Variants in FKBP5 observed in about 807,000 individuals in gnomAD.
FKBP5 encodes the protein peptidyl-prolyl cis-trans isomerase FKBP5.
In FKBP5, 23 loss-of-function variants were observed where a neutral mutation model predicts 50.5. That is an observed-to-expected ratio of 0.46 (90% CI 0.33 to 0.65). FKBP5 has a LOEUF of 0.65. Among genes scored for constraint, FKBP5 ranks in the 30% least tolerant of loss-of-function variants. The probability of loss-of-function intolerance (pLI) is 0.02; values close to 1 mark genes in which losing one functional copy is unlikely to be tolerated. For missense variants in FKBP5, 411 were observed against 553.1 expected (o/e 0.74, Z 2.58); for synonymous variants, 176 against 190.6 (o/e 0.92, Z 0.63).
At chr6:35,583,751 G>C in intron 8 of FKBP5, 6 of 982,974 alleles carry the variant, frequency 6.1e-6, no homozygotes, top group Non-Finnish European at 7.3e-6. Flanking sequence ...TGATAGTACT[G>C]AGGTTGAAAA....
intron 3 of FKBP5, among the ~76,000 whole-genome samples, chr6:35,627,241 A>G (rs1347692452): frequency 6.6e-6 from 1 of 152,178 alleles, no homozygotes; most frequent in Admixed American, 6.5e-5. Flanking sequence ...GTGATGTTGA[A>G]CATCTTTTCA....
intron 1 of FKBP5, among the ~76,000 whole-genome samples, chr6:35,654,828 C>A (rs1764905148): frequency 6.6e-6 from 1 of 152,148 alleles, no homozygotes; most frequent in Admixed American, 6.5e-5. Context: ...TAAGCTGTAT[C>A]CAGCTCTGTA....
At chr6:35,637,949 C>G (rs951917992) in intron 2 of FKBP5, among the ~76,000 whole-genome samples, 3 of 152,166 alleles carry the variant, frequency 2.0e-5, no homozygotes, top group Non-Finnish European at 4.4e-5. Context: ...TCAGAAAGCC[C>G]AATTTCCTGG....
intron 2 of FKBP5, among the ~76,000 whole-genome samples, chr6:35,702,827 A>C (rs1452555592): frequency 6.6e-6 from 1 of 152,156 alleles, no homozygotes; most frequent in African/African-American, 2.4e-5. Flanking sequence ...GCAAAACCAA[A>C]AGCTCTAACA....
At chr6:35,637,932 T>C (rs893573507) in intron 2 of FKBP5, among the ~76,000 whole-genome samples, 1 of 152,172 alleles carries the variant, frequency 6.6e-6, no homozygotes, top group Non-Finnish European at 1.5e-5. Flanking sequence ...ATTCTGCTTG[T>C]TTATTTTCAG....
chr6:35,636,977 G>C (rs1216527549), intron 3 of FKBP5, 37 bp downstream of exon 3: 1 of 1,550,722 alleles, frequency 6.4e-7, no homozygotes, highest in Admixed American at 2.2e-5. Context: ...TAGTAATAAA[G>C]CTAAGTAAAA....
rs139248655 is a variant in FKBP5 at position 35,681,493 on chromosome 6, T to C, written c.-20+7311A>G. On this transcript the variant is annotated intron_variant, in intron 1 of 10. Transcript: ENST00000357266. ...TATCACCATACCTTAGTTTTGCCTG[T>C]TCTTGTATTTTTCATAAATGGCATC... is the stretch of plus-strand genomic sequence containing the variant. 3.2e-3 allele frequency among the ~76,000 whole-genome samples: 484 copies of C among 152,336 alleles called. 1 individual carries two copies. The highest frequency in any genetic ancestry group is 0.01 in the African/African-American group (421 of 41,562).
chr6:35,613,686 G>T (rs746893663), intron 5 of FKBP5, among the ~76,000 whole-genome samples: 4 of 152,164 alleles, frequency 2.6e-5, no homozygotes, highest in Admixed American at 2.0e-4. Flanking sequence ...TAGCTAACTT[G>T]TTTAAAGGAG....
intron 8 of FKBP5, chr6:35,580,773 C>A: frequency 5.3e-6 from 4 of 748,858 alleles, no homozygotes; most frequent in Non-Finnish European, 6.5e-6. Context: ...GAACTCCTGA[C>A]CTTGTGATCC....
chr6:35,639,242 CATT>C (rs1251510910), intron 2 of FKBP5, among the ~76,000 whole-genome samples: 1 of 152,076 alleles, frequency 6.6e-6, no homozygotes, highest in Non-Finnish European at 1.5e-5. Flanking sequence ...AGGTTGATGG[CATT>C]ATTATTCTAA....
intron 1 of FKBP5, among the ~76,000 whole-genome samples, chr6:35,726,028 AGT>A (rs1766703267): frequency 6.6e-6 from 1 of 152,162 alleles, no homozygotes; most frequent in African/African-American, 2.4e-5. Flanking sequence ...GGGAGCAATG[AGT>A]GTGTATGCAT....
chr6:35,643,555 T>C (rs1012513348), intron 1 of FKBP5, among the ~76,000 whole-genome samples: 1 of 152,216 alleles, frequency 6.6e-6, no homozygotes, highest in South Asian at 2.1e-4. Context: ...GGCCCTAATC[T>C]ATCTTTGAGT....
chr6:35,672,234 C>G (rs888293506), intron 1 of FKBP5, among the ~76,000 whole-genome samples: 3 of 151,634 alleles, frequency 2.0e-5, no homozygotes. Context: ...CATCCAAATA[C>G]AAAACAAGTT....
intron 5 of FKBP5, among the ~76,000 whole-genome samples, chr6:35,617,138 T>G (rs560032058): frequency 2.6e-5 from 4 of 152,078 alleles, no homozygotes; most frequent in Non-Finnish European, 4.4e-5. Flanking sequence ...AAGCTCTTCA[T>G]GTATTCAAAA....
intron 2 of FKBP5, among the ~76,000 whole-genome samples, chr6:35,701,244 T>G (rs1766179851): frequency 6.7e-6 from 1 of 149,628 alleles, no homozygotes; most frequent in African/African-American, 2.4e-5. Flanking sequence ...TTTTTTGTTT[T>G]TTTGTTTTTT....
intron 7 of FKBP5, among the ~76,000 whole-genome samples, chr6:35,589,826 T>C (rs1451113131): frequency 6.6e-6 from 1 of 152,142 alleles, no homozygotes; most frequent in Non-Finnish European, 1.5e-5. Context: ...TAACCAGACA[T>C]ATGTTTGTTT....
At chr6:35,643,766 T>C (rs911543286) in intron 1 of FKBP5, among the ~76,000 whole-genome samples, 2 of 152,250 alleles carry the variant, frequency 1.3e-5, no homozygotes, top group Admixed American at 6.5e-5. Flanking sequence ...GTAGGCCATT[T>C]TGCCCTTTTA....
chr6:35,575,966 GAAGGT>G (rs1762199270), intron 10 of FKBP5, 24 bp from the exon 11 acceptor site: 1 of 1,476,920 alleles, frequency 6.8e-7, no homozygotes. Context: ...AAGCAATCAA[GAAGGT>G]TAGAGAATAA....
chr6:35,613,458 T>G (rs944130371), intron 5 of FKBP5, among the ~76,000 whole-genome samples: 2 of 152,176 alleles, frequency 1.3e-5, no homozygotes, highest in Non-Finnish European at 2.9e-5. Flanking sequence ...TCACGTGATC[T>G]GCCCACCTCG....
Sources: gnomAD v4.1 joint callset for allele counts (sites outside exome capture counted in the v4.1 genomes callset) on GRCh38, gnomAD v4.1.1 for gene constraint, MANE v1.5 for transcripts, NCBI Gene and HGNC (gene_info 2026-07-23, HGNC 2026-07-21) for gene names.